GOLGA7B: variants seen among roughly 807,000 people sequenced by gnomAD.
GOLGA7B encodes the protein golgin subfamily A member 7B.
GOLGA7B carries 17 observed loss-of-function variants against 21.5 expected under a neutral mutation model. That is an observed-to-expected ratio of 0.79 (90% CI 0.54 to 1.19). GOLGA7B has a LOEUF of 1.19. Among genes scored for constraint, GOLGA7B ranks in the 50% most tolerant of loss-of-function variants. The pLI is 0.00. For missense variants in GOLGA7B, 169 were observed against 224.4 expected (o/e 0.75, Z 1.58); for synonymous variants, 87 against 84.0 (o/e 1.04, Z -0.19).
rs1443385071 is a variant in GOLGA7B, at chr10:97,870,873, T to C, written c.*5173T>C. 6.6e-6 allele frequency: 1 copy of C among 152,180 alleles called. No homozygotes were observed. The highest frequency in any genetic ancestry group is 2.4e-5 in the African/African-American group (1 of 41,434). 9.4% of individuals were successfully genotyped at this position (152,180 alleles called of 1,614,324 possible). A position where few individuals can be genotyped will look rare whatever the true frequency, so the allele number is the denominator to read the frequency against. ...CAGGAGTTCTTAACCTCGACCCGACTGCATTCAGGTGCATATTATGTGCCG... is the reference window on the plus strand; with the variant it reads ...CAGGAGTTCTTAACCTCGACCCGACCGCATTCAGGTGCATATTATGTGCCG... On this transcript the variant is annotated 3_prime_UTR_variant, in exon 5 of 5. Transcript: ENST00000370602.
At chr10:97,863,902 C>T (rs367770084) in intron 2 of GOLGA7B, 28 bp from the exon 3 acceptor site, 44 of 1,593,350 alleles carry the variant, frequency 2.8e-5, no homozygotes, top group Admixed American at 2.4e-4. Flanking sequence ...GGAGGCTAAC[C>T]GCAGCCTGGC....
intron 2 of GOLGA7B, among the ~76,000 whole-genome samples, chr10:97,863,168 C>T (rs1322767230): frequency 1.3e-5 from 2 of 152,168 alleles, no homozygotes; most frequent in Non-Finnish European, 2.9e-5. Context: ...GAGACGGTGG[C>T]AGCTGGAACC....
intron 1 of GOLGA7B, among the ~76,000 whole-genome samples, chr10:97,852,336 G>A (rs774876596): frequency 6.6e-6 from 1 of 152,174 alleles, no homozygotes; most frequent in Non-Finnish European, 1.5e-5. Context: ...TGGGGACTCA[G>A]GCCCCCTGCT....
chr10:97,859,331 G>T, intron 1 of GOLGA7B, 127 bp from the exon 2 acceptor site: 2 of 929,112 alleles, frequency 2.2e-6, no homozygotes, highest in South Asian at 1.6e-5. Flanking sequence ...TGCCCAGCTT[G>T]TCTCTGCATG....
chr10:97,850,084 G>C lies in GOLGA7B; in HGVS notation c.-220G>C, dbSNP rs2049894527. On this transcript the variant is annotated 5_prime_UTR_variant, in exon 1 of 5. Coordinates refer to ENST00000370602, the MANE Select transcript of GOLGA7B (RefSeq NM_001010917.3). ...GCCTCGCCTCCCGGGCCCGGCGCCT[G>C]CCTCAGCACAGCGGACAGCGCCGCG... 6.7e-6 allele frequency among the ~76,000 whole-genome samples: 1 copy of C among 149,650 alleles called. No homozygotes were observed. The highest frequency in any genetic ancestry group is 2.4e-5 in the African/African-American group (1 of 41,168).
At chr10:97,857,451 A>C (rs2049943300) in intron 1 of GOLGA7B, among the ~76,000 whole-genome samples, 1 of 152,086 alleles carries the variant, frequency 6.6e-6, no homozygotes, top group African/African-American at 2.4e-5. Flanking sequence ...ACTACAAAAC[A>C]CTGATGAAAG....
rs2050061320 is a variant in GOLGA7B, at chr10:97,869,075, G to A, written c.*3375G>A. 1 of 152,272 alleles carries A rather than the reference G, an allele frequency of 6.6e-6. No individual in the cohort carries two copies. The highest frequency in any genetic ancestry group is 2.4e-5 in the African/African-American group (1 of 41,470). The allele number at this position is 152,272 out of a possible 1,614,324, so 9.4% of individuals were successfully genotyped here. ...AGGCAATCTGACTCCAAACTGCAAG[G>A]AAGAAGACAGATCCAGCCTCAGAGG... On this transcript the variant is annotated 3_prime_UTR_variant, in exon 5 of 5. Coordinates refer to ENST00000370602, the MANE Select transcript of GOLGA7B (RefSeq NM_001010917.3).
chr10:97,865,805 T>C lies in GOLGA7B; in HGVS notation c.*105T>C. 1.3e-5 allele frequency: 6 copies of C among 477,470 alleles called. No individual in the cohort carries two copies. Among genetic ancestry groups the C allele is most frequent in the East Asian group, 5.9e-5 (1 of 16,976 alleles). 29.6% of individuals were successfully genotyped at this position (477,470 alleles called of 1,614,324 possible). A position where few individuals can be genotyped will look rare whatever the true frequency, so the allele number is the denominator to read the frequency against. On this transcript the variant is annotated 3_prime_UTR_variant, in exon 5 of 5. Transcript: ENST00000370602. The stretch of plus-strand genomic sequence containing the variant: ...CCCGCTTCTGAGTCATTCTTTGGGC[T>C]CACCCTGCTGCCCGGGGTGGGAGGG...
In GOLGA7B at chr10:97,868,855, A is replaced by C. The variant is rs189615509; in HGVS notation, c.*3155A>C. 5 of 152,266 alleles carry C rather than the reference A, an allele frequency of 3.3e-5. No homozygotes were observed. The highest frequency in any genetic ancestry group is 2.6e-4 in the Admixed American group (4 of 15,298). The allele number at this position is 152,266 out of a possible 1,614,324, so 9.4% of individuals were successfully genotyped here. A position where few individuals can be genotyped will look rare whatever the true frequency, so the allele number is the denominator to read the frequency against. ...CCTTCCATTTTCAAATGGTAATCAT[A>C]ATAATAATAGTAGCTGACGTTTATT... is the stretch of plus-strand genomic sequence containing the variant. On this transcript the variant is annotated 3_prime_UTR_variant, in exon 5 of 5. Coordinates refer to ENST00000370602, the MANE Select transcript of GOLGA7B (RefSeq NM_001010917.3).
intron 2 of GOLGA7B, among the ~76,000 whole-genome samples, chr10:97,860,800 T>G (rs894962742): frequency 7.9e-5 from 12 of 152,162 alleles, no homozygotes; most frequent in African/African-American, 2.9e-4. Flanking sequence ...TGGCTACACC[T>G]TAGAGGCACC....
At position 97,869,545 on chromosome 10, in the gene GOLGA7B, C is replaced by G. The variant is rs1470091624; in HGVS notation, c.*3845C>G. 2 of 152,472 alleles carry G rather than the reference C, an allele frequency of 1.3e-5. No homozygotes were observed. Among genetic ancestry groups the G allele is most frequent in the African/African-American group, 4.8e-5 (2 of 41,486 alleles). The allele number at this position is 152,472 out of a possible 1,614,324, so 9.4% of individuals were successfully genotyped here. The stretch of plus-strand genomic sequence containing the variant: ...GCACATGCTCCTCTCCCTGCGCCAG[C>G]ACCCTGCTGTCTGGCTTCCTTCCTT... On this transcript the variant is annotated 3_prime_UTR_variant, in exon 5 of 5. Coordinates refer to ENST00000370602, the MANE Select transcript of GOLGA7B (RefSeq NM_001010917.3).
chr10:97,861,234 TG>T (rs1448595009), intron 2 of GOLGA7B, among the ~76,000 whole-genome samples: 1 of 152,228 alleles, frequency 6.6e-6, no homozygotes, highest in East Asian at 1.9e-4. Flanking sequence ...AAGTGACTTA[TG>T]GGAGTTAGTA....
At chr10:97,863,118 T>C (rs1197395457) in intron 2 of GOLGA7B, among the ~76,000 whole-genome samples, 2 of 152,062 alleles carry the variant, frequency 1.3e-5, no homozygotes, top group Admixed American at 6.5e-5. Flanking sequence ...AACTGGAAGT[T>C]AGGGCAGGAG....
At chr10:97,851,871 CAT>C (rs1284015576) in intron 1 of GOLGA7B, among the ~76,000 whole-genome samples, 1 of 152,248 alleles carries the variant, frequency 6.6e-6, no homozygotes, top group African/African-American at 2.4e-5. Context: ...TGCTATGAGA[CAT>C]GTGTGACTCT....
rs138819524 is a variant in GOLGA7B at position 97,865,581 on chromosome 10, C to T, written c.394-9C>T. 4.0e-5 allele frequency: 65 copies of T among 1,612,686 alleles called. No individual in the cohort carries two copies. Among genetic ancestry groups the T allele is most frequent in the African/African-American group, 2.7e-4 (20 of 74,922 alleles). On this transcript the variant is annotated splice_polypyrimidine_tract_variant and intron_variant, in intron 4 of 4. Coordinates refer to ENST00000370602, the MANE Select transcript of GOLGA7B (RefSeq NM_001010917.3). ...TGGGCTCGCAGCTCTCCTTAACCAC[C>T]GACCCCAGATTGAGATCTCCATCTA...
At chr10:97,861,240 T>C (rs2049969413) in intron 2 of GOLGA7B, among the ~76,000 whole-genome samples, 1 of 152,066 alleles carries the variant, frequency 6.6e-6, no homozygotes, top group South Asian at 2.1e-4. Flanking sequence ...CTTATGGGAG[T>C]TAGTAAGTAC....
chr10:97,865,764 C>A lies in GOLGA7B; in HGVS notation c.*64C>A. 7.1e-7 allele frequency: 1 copy of A among 1,418,042 alleles called. No individual in the cohort carries two copies. The highest frequency in any genetic ancestry group is 9.3e-7 in the Non-Finnish European group (1 of 1,070,968). 87.8% of individuals were successfully genotyped at this position (1,418,042 alleles called of 1,614,324 possible). A position where few individuals can be genotyped will look rare whatever the true frequency, so the allele number is the denominator to read the frequency against. ...TGAGGGCCTTGCAGACCTGCGGCGGCTGCGCTACCAGAGCACCCGCTTCTG... is the reference window on the plus strand; with the variant it reads ...TGAGGGCCTTGCAGACCTGCGGCGGATGCGCTACCAGAGCACCCGCTTCTG... On this transcript the variant is annotated 3_prime_UTR_variant, in exon 5 of 5. Coordinates refer to ENST00000370602, the MANE Select transcript of GOLGA7B (RefSeq NM_001010917.3).
intron 4 of GOLGA7B, 77 bp downstream of exon 4, chr10:97,864,346 C>G: frequency 8.0e-7 from 1 of 1,253,652 alleles, no homozygotes; most frequent in Admixed American, 1.9e-5. Context: ...TGCCAGGAAA[C>G]GAGGCCACCT....
rs1312222761 is a variant in GOLGA7B, at chr10:97,866,228, G to A, written c.*528G>A. 1.9e-5 allele frequency: 3 copies of A among 153,870 alleles called. No individual in the cohort carries two copies. The highest frequency in any genetic ancestry group is 7.2e-5 in the African/African-American group (3 of 41,508). 9.5% of individuals were successfully genotyped at this position (153,870 alleles called of 1,614,324 possible). A position where few individuals can be genotyped will look rare whatever the true frequency, so the allele number is the denominator to read the frequency against. ...TGATCCTGCCTCCACCAAATTCAAG[G>A]TGTGGGGAGACGGGTGCCGTGGTTG... On this transcript the variant is annotated 3_prime_UTR_variant, in exon 5 of 5. Transcript: ENST00000370602.
Sources: gnomAD v4.1 joint callset for allele counts (sites outside exome capture counted in the v4.1 genomes callset) on GRCh38, gnomAD v4.1.1 for gene constraint, MANE v1.5 for transcripts, NCBI Gene and HGNC (gene_info 2026-07-23, HGNC 2026-07-21) for gene names.